The following OTC variants were observed in gnomAD, a reference collection of about 807,000 sequenced individuals.
OTC encodes the protein ornithine transcarbamylase, mitochondrial.
Under a neutral mutation model 30.3 loss-of-function variants are expected in OTC, and 3 were observed. That is an observed-to-expected ratio of 0.10 (90% CI 0.05 to 0.26). The LOEUF (loss-of-function observed/expected upper bound fraction) is 0.26. OTC is among the 10% of genes least tolerant of loss of function. The probability of loss-of-function intolerance (pLI) is 1.00; values close to 1 mark genes in which losing one functional copy is unlikely to be tolerated. For missense variants in OTC, 194 were observed against 260.3 expected, an observed-to-expected ratio of 0.75 and a Z score of 1.75; for synonymous variants, 111 against 99.7, an observed-to-expected ratio of 1.11 and a Z score of -0.67.
At chrX:38,334,249 AG>A in the OTC span, among the ~76,000 whole-genome samples, 2 of 110,074 alleles carry the variant, frequency 1.8e-5, no homozygotes, top group East Asian at 2.8e-4. Flanking sequence ...GAAGAGAAAA[AG>A]TTAAGTTGCC....
At chrX:38,339,053 G>T in the OTC span, among the ~76,000 whole-genome samples, 1 of 112,005 alleles carries the variant, frequency 8.9e-6, no homozygotes, top group South Asian at 3.8e-4. Flanking sequence ...CTAGTTGGGG[G>T]GTGGGTTCGG....
chrX:38,368,736 A>G (rs2068309041), intron 2 of OTC, among the ~76,000 whole-genome samples: 1 of 97,332 alleles, frequency 1.0e-5, no homozygotes, highest in African/African-American at 3.8e-5. Context: ...TGGCTCTCCA[A>G]GCTCCTAAGA....
chrX:38,359,756 T>A (rs2068261145), intron 1 of OTC, among the ~76,000 whole-genome samples: 1 of 110,934 alleles, frequency 9.0e-6, no homozygotes, highest in African/African-American at 3.3e-5. Flanking sequence ...CATTTTAAGT[T>A]TTGACATTGT....
chrX:38,396,425 A>G (rs1239689573), intron 4 of OTC, among the ~76,000 whole-genome samples: 1 of 112,233 alleles, frequency 8.9e-6, no homozygotes, highest in Non-Finnish European at 1.9e-5. Flanking sequence ...GTAATTAATT[A>G]GTTAAATCAT....
the OTC span, among the ~76,000 whole-genome samples, chrX:38,342,011 CTTTTT>C: frequency 3.5e-5 from 1 of 28,591 alleles, no homozygotes; most frequent in Non-Finnish European, 6.1e-5. Flanking sequence ...TTAAATTTCA[CTTTTT>C]TTTTTTTTTT....
chrX:38,412,032 C>A lies in OTC; in HGVS notation c.1005+33C>A, dbSNP rs779096212. 24 of 1,196,844 alleles carry A rather than the reference C, an allele frequency of 2.0e-5. No homozygotes were observed. The African/African-American group carries it at 3.0e-4, about 15-fold the overall frequency. On this transcript the variant is annotated intron_variant, in intron 9 of 9. Transcript: ENST00000039007. ...AGAAACAAGGAATGGAGGATAAGTT[C>A]TTTGTGTGGTTCCAACTTGGTCATT...
intron 1 of OTC, among the ~76,000 whole-genome samples, chrX:38,359,855 A>G (rs2068261770): frequency 9.0e-6 from 1 of 110,690 alleles, no homozygotes; most frequent in Admixed American, 9.6e-5. Context: ...TTGAAAATCC[A>G]TCATGACAAA....
intron 9 of OTC, among the ~76,000 whole-genome samples, chrX:38,418,794 G>A (rs1001477401): frequency 8.9e-6 from 1 of 111,772 alleles, no homozygotes; most frequent in African/African-American, 3.3e-5. Context: ...TGTGAGGCAT[G>A]CCTTTTGCCT....
intron 4 of OTC, among the ~76,000 whole-genome samples, chrX:38,388,686 A>T (rs1381977431): frequency 6.3e-5 from 7 of 111,726 alleles, no homozygotes; most frequent in Admixed American, 4.8e-4. Context: ...TTGTCTTCTA[A>T]TATAGTACTT....
At chrX:38,420,169 G>A (rs929232994) in intron 9 of OTC, among the ~76,000 whole-genome samples, 1 of 110,867 alleles carries the variant, frequency 9.0e-6, no homozygotes, top group African/African-American at 3.3e-5. Flanking sequence ...TTTAAAAAGA[G>A]TAGAGTCAGA....
intron 4 of OTC, among the ~76,000 whole-genome samples, chrX:38,399,899 TTAGA>T (rs1015254143): frequency 9.0e-6 from 1 of 111,424 alleles, no homozygotes; most frequent in South Asian, 3.8e-4. Flanking sequence ...TATAGCGCGC[TTAGA>T]TAGTTCAAAG....
chrX:38,337,004 T>A, the OTC span, among the ~76,000 whole-genome samples: 1 of 111,936 alleles, frequency 8.9e-6, no homozygotes, highest in Admixed American at 9.5e-5. Context: ...CTCCCTCATT[T>A]CCTTCCTTCC....
intron 3 of OTC, among the ~76,000 whole-genome samples, chrX:38,375,506 G>C (rs2068342635): frequency 9.0e-6 from 1 of 111,493 alleles, no homozygotes; most frequent in African/African-American, 3.3e-5. Flanking sequence ...CAGCAGTGGA[G>C]AGGGTAAGAG....
rs201480834 is a variant in OTC at position 38,416,338 on chromosome X, GA to G, written c.1005+4342del. ...ACAGGTCTTTGGACCCCTTTGTTTA[GA>G]AACAAAAATCACACTTTTCCTCCCC... On this transcript the variant is annotated intron_variant, in intron 9 of 9. Coordinates refer to ENST00000039007, the MANE Select transcript of OTC (RefSeq NM_000531.6). 7.2e-3 allele frequency among the ~76,000 whole-genome samples: 805 copies of G among 111,174 alleles called. 8 individuals are homozygous for G. Among genetic ancestry groups the G allele is most frequent in the African/African-American group, 0.025 (774 of 30,584 alleles).
chrX:38,399,746 CA>C (rs201448001), intron 4 of OTC, among the ~76,000 whole-genome samples: 1 of 110,273 alleles, frequency 9.1e-6, no homozygotes, highest in Non-Finnish European at 1.9e-5. Context: ...GACTCCAACT[CA>C]AAAAAAACAA....
At chrX:38,368,366 AAAG>A (rs938320696) in intron 2 of OTC, among the ~76,000 whole-genome samples, 33 of 111,439 alleles carry the variant, frequency 3.0e-4, no homozygotes, top group Non-Finnish European at 4.9e-4. Flanking sequence ...ATCTGCAAAA[AAAG>A]AAGATGATCC....
chrX:38,331,526 C>T, the OTC span, among the ~76,000 whole-genome samples: 3 of 105,172 alleles, frequency 2.9e-5, no homozygotes, highest in South Asian at 4.4e-4. Flanking sequence ...TCAGGTGATC[C>T]GCCCACGTCG....
rs766633337 is a variant in OTC at position 38,352,700 on chromosome X, C to G, written c.4C>G (p.Leu2Val). ...TCCTTTACACAATTAAAAGAAGATG[C>G]TGTTTAATCTGAGGATCCTGTTAAA... MLFNLRILLNNA... is the reference protein window; with the variant it reads MVFNLRILLNNA... The change falls in exon 1 of 10, where the codon CTG becomes GTG. Residue 2 changes from leucine to valine, a missense_variant. Coordinates refer to ENST00000039007, the MANE Select transcript of OTC (RefSeq NM_000531.6). The G allele has an allele frequency of 1.7e-6, 2 of 1,195,059 alleles. No homozygotes were observed. The highest frequency in any genetic ancestry group is 3.5e-5 in the African/African-American group (2 of 56,941).
chrX:38,411,382 A>T (rs1028123382), intron 8 of OTC, among the ~76,000 whole-genome samples: 1 of 107,660 alleles, frequency 9.3e-6, no homozygotes, highest in Non-Finnish European at 1.9e-5. Context: ...AAAAAAAAAG[A>T]CTTGCCAGAC....
Sources: allele counts gnomAD v4.1 joint callset (sites outside exome capture counted in the v4.1 genomes callset), GRCh38; gene constraint gnomAD v4.1.1; transcripts MANE v1.5; gene names NCBI Gene and HGNC (gene_info 2026-07-23, HGNC 2026-07-21).